PPM1K: variants seen among roughly 807,000 people sequenced by gnomAD.
The protein encoded by PPM1K is protein phosphatase Mn(2+)-dependent 1K.
A neutral mutation model predicts 32.6 loss-of-function variants in PPM1K; 19 were observed. The ratio of observed to expected loss-of-function variants is 0.58; its 90% CI spans 0.41 to 0.86. PPM1K has a LOEUF of 0.86. Among genes scored for constraint, PPM1K ranks in the 40% least tolerant of loss-of-function variants. The probability of loss-of-function intolerance (pLI) is 0.00; values close to 1 mark genes in which losing one functional copy is unlikely to be tolerated. For missense variants in PPM1K, 362 were observed against 461.2 expected (o/e 0.78, Z 1.97); for synonymous variants, 159 against 165.3 (o/e 0.96, Z 0.29).
chr4:88,282,413 C>A (rs1732050268), intron 1 of PPM1K, among the ~76,000 whole-genome samples: 1 of 152,172 alleles, frequency 6.6e-6, no homozygotes, highest in South Asian at 2.1e-4. Flanking sequence ...CCTATCTGCC[C>A]ATTATGAAGT....
At chr4:88,270,866 G>A (rs938219516) in intron 3 of PPM1K, 1 of 270,258 alleles carries the variant, frequency 3.7e-6, no homozygotes, top group African/African-American at 2.3e-5. Flanking sequence ...GATTTGCTAA[G>A]CATTTAAGAA....
chr4:88,261,088 C>T lies in PPM1K; in HGVS notation c.*1507G>A, dbSNP rs544814824. 2.0e-3 allele frequency: 301 copies of T among 152,248 alleles called. 1 individual carries two copies. The highest frequency in any genetic ancestry group is 6.9e-3 in the African/African-American group (287 of 41,558). The allele number at this position is 152,248 out of a possible 1,614,324, so 9.4% of individuals were successfully genotyped here. On this transcript the variant is annotated 3_prime_UTR_variant, in exon 7 of 7. Transcript: ENST00000608933. ...TCTAAAATATACATATGTACACATA[C>T]TCACACATATAACAAATTTACATAG...
At chr4:88,264,364 C>G (rs1731229727) in intron 6 of PPM1K, among the ~76,000 whole-genome samples, 1 of 152,214 alleles carries the variant, frequency 6.6e-6, no homozygotes, top group African/African-American at 2.4e-5. Context: ...TTAGTTCTGA[C>G]TGACACACAA....
At chr4:88,266,108 T>C (rs186916483) in intron 5 of PPM1K, among the ~76,000 whole-genome samples, 2 of 152,368 alleles carry the variant, frequency 1.3e-5, no homozygotes, top group Admixed American at 6.5e-5. Context: ...TAACACACGA[T>C]GTGGGATATC....
intron 3 of PPM1K, among the ~76,000 whole-genome samples, chr4:88,273,704 A>G (rs1378401250): frequency 6.6e-6 from 1 of 151,846 alleles, no homozygotes; most frequent in Non-Finnish European, 1.5e-5. Context: ...AGAAAAAGAA[A>G]AGGGCTACCT....
Position 88,262,729 on chromosome 4 carries a change from G to T in PPM1K, c.988-3C>A. 1 of 1,593,342 alleles carries T rather than the reference G, an allele frequency of 6.3e-7. No homozygotes were observed. The highest frequency in any genetic ancestry group is 8.5e-7 in the Non-Finnish European group (1 of 1,172,350). Reference sequence around the variant, plus strand: ...TCCTCAGTACCGTACTGTATTGCCTGCAAGGTTTGGCAGGAAGAAAGAGAA... The same window carrying T: ...TCCTCAGTACCGTACTGTATTGCCTTCAAGGTTTGGCAGGAAGAAAGAGAA... On this transcript the variant is annotated splice_polypyrimidine_tract_variant and splice_region_variant and intron_variant, in intron 6 of 6. Transcript: ENST00000608933.
intron 3 of PPM1K, among the ~76,000 whole-genome samples, chr4:88,271,669 C>G (rs533887415): frequency 1.3e-5 from 2 of 152,068 alleles, no homozygotes; most frequent in Admixed American, 1.3e-4. Context: ...TCAGAATTGT[C>G]TCAAGAATAG....
intron 3 of PPM1K, among the ~76,000 whole-genome samples, chr4:88,274,076 C>G (rs375417194): frequency 1.3e-5 from 2 of 152,200 alleles, no homozygotes; most frequent in African/African-American, 2.4e-5. Context: ...AGTCTCCACT[C>G]CTAACCTCAC....
chr4:88,281,210 C>T (rs1287154405), intron 1 of PPM1K, among the ~76,000 whole-genome samples: 3 of 152,280 alleles, frequency 2.0e-5, no homozygotes, highest in African/African-American at 7.2e-5. Flanking sequence ...CTTTTGGCTT[C>T]GGTCTGAAAG....
At chr4:88,283,847 G>A (rs1403830842) in intron 1 of PPM1K, 2 of 152,388 alleles carry the variant, frequency 1.3e-5, no homozygotes, top group Non-Finnish European at 2.9e-5. Flanking sequence ...ACACACGGTG[G>A]GAAGAACACA....
At position 88,277,263 on chromosome 4, in the gene PPM1K, A is replaced by C; in HGVS notation, c.441-20T>G. ...AAATCCCTTTGTGGGGAGGAAAAAA[A>C]GAGCCTTAAACAATCATTTTACAAT... On this transcript the variant is annotated intron_variant, in intron 2 of 6. Transcript: ENST00000608933. The C allele has an allele frequency of 6.6e-7, 1 of 1,524,176 alleles. No individual in the cohort carries two copies. Among genetic ancestry groups the C allele is most frequent in the South Asian group, 1.1e-5 (1 of 89,164 alleles). 94.4% of individuals were successfully genotyped at this position (1,524,176 alleles called of 1,614,324 possible). A position where few individuals can be genotyped will look rare whatever the true frequency, so the allele number is the denominator to read the frequency against.
chr4:88,277,016 A>C, intron 3 of PPM1K, 127 bp downstream of exon 3: 1 of 781,062 alleles, frequency 1.3e-6, no homozygotes, highest in African/African-American at 1.7e-5. Context: ...ACTCATTTCT[A>C]CATAAATCCT....
At chr4:88,268,607 T>A in intron 4 of PPM1K, 134 bp downstream of exon 4, 2 of 997,950 alleles carry the variant, frequency 2.0e-6, no homozygotes, top group Non-Finnish European at 3.0e-6. Context: ...GGCGACAGAG[T>A]GAGACTCTGT....
intron 3 of PPM1K, 24 bp downstream of exon 3, chr4:88,277,119 A>G (rs1390200669): frequency 6.4e-7 from 1 of 1,569,696 alleles, no homozygotes; most frequent in East Asian, 2.2e-5. Context: ...CCTAGGATCC[A>G]AGGAATGTGA....
At chr4:88,282,660 A>G (rs1001615467) in intron 1 of PPM1K, among the ~76,000 whole-genome samples, 1 of 152,236 alleles carries the variant, frequency 6.6e-6, no homozygotes, top group South Asian at 2.1e-4. Context: ...GGGAAAAAAG[A>G]AAACAACAAT....
At chr4:88,269,301 C>T (rs1227333730) in intron 3 of PPM1K, among the ~76,000 whole-genome samples, 2 of 152,166 alleles carry the variant, frequency 1.3e-5, no homozygotes, top group African/African-American at 4.8e-5. Flanking sequence ...CTTAGGTCTA[C>T]TTGAGCCCAT....
chr4:88,265,983 G>GT (rs1466656188), intron 5 of PPM1K, among the ~76,000 whole-genome samples: 1 of 152,178 alleles, frequency 6.6e-6, no homozygotes, highest in East Asian at 1.9e-4. Context: ...ATTGACCTCT[G>GT]TATGCTTTAG....
intron 1 of PPM1K, among the ~76,000 whole-genome samples, chr4:88,283,235 C>T (rs1306360389): frequency 6.6e-6 from 1 of 152,228 alleles, no homozygotes; most frequent in Non-Finnish European, 1.5e-5. Flanking sequence ...CCACCTCAGC[C>T]TCCGGGGCTG....
chr4:88,278,558 A>C lies in PPM1K; in HGVS notation c.26T>G (p.Leu9Trp). Reference sequence around the variant, plus strand: ...CACCTGGTTCCCACCACTTCTGACCAAAGTAATTAAGGCAGCTGTTGACAT... The same window carrying C: ...CACCTGGTTCCCACCACTTCTGACCCAAGTAATTAAGGCAGCTGTTGACAT... The part of the protein sequence containing the change: MSTAALIT[L>W]VRSGGNQVRR... Residue 9 changes from leucine (L) to tryptophan (W), a missense_variant, in exon 2 of 7, where the codon TTG becomes TGG. Transcript: ENST00000608933. The surrounding 1 kb of genome is among the most constrained non-coding windows in gnomAD (Gnocchi z 4.2). 6.2e-7 allele frequency: 1 copy of C among 1,611,310 alleles called. No homozygotes were observed. Among genetic ancestry groups the C allele is most frequent in the Non-Finnish European group, 8.5e-7 (1 of 1,178,622 alleles).
Sources: allele counts gnomAD v4.1 joint callset (sites outside exome capture counted in the v4.1 genomes callset), GRCh38; gene constraint gnomAD v4.1.1; non-coding constraint Gnocchi (gnomAD v3.1); transcripts MANE v1.5; gene names NCBI Gene and HGNC (gene_info 2026-07-23, HGNC 2026-07-21).